Variants in PDGFD observed in about 807,000 individuals in gnomAD.
The protein encoded by PDGFD is platelet-derived growth factor D.
Under a neutral mutation model 44.7 loss-of-function variants are expected in PDGFD, and 30 were observed. The observed-to-expected ratio is 0.67, with a 90% CI of 0.50 to 0.91. The LOEUF is 0.91. PDGFD is among the 40% of genes least tolerant of loss of function. The probability of loss-of-function intolerance (pLI) is 0.00; values close to 1 mark genes in which losing one functional copy is unlikely to be tolerated. For synonymous variants in PDGFD, 173 were observed against 168.4 expected (o/e 1.03, Z -0.21); for missense variants, 445 against 457.8 (o/e 0.97, Z 0.25).
chr11:103,943,234 T>C (rs1388203252), intron 5 of PDGFD, among the ~76,000 whole-genome samples: 1 of 152,122 alleles, frequency 6.6e-6, no homozygotes, highest in African/African-American at 2.4e-5. Flanking sequence ...AGCACCAACA[T>C]GATTCTCAAA....
chr11:104,098,799 C>A (rs1861323413), intron 1 of PDGFD, among the ~76,000 whole-genome samples: 1 of 152,080 alleles, frequency 6.6e-6, no homozygotes, highest in Non-Finnish European at 1.5e-5. Flanking sequence ...CTACATCTAG[C>A]CTCTTCTGTT....
At chr11:104,050,876 A>G (rs137886983) in intron 1 of PDGFD, among the ~76,000 whole-genome samples, 2 of 152,282 alleles carry the variant, frequency 1.3e-5, no homozygotes, top group East Asian at 3.9e-4. Context: ...CATATCATGG[A>G]AGCTAGCTCT....
chr11:103,926,260 T>TA (rs1274553903), intron 6 of PDGFD, among the ~76,000 whole-genome samples: 5 of 152,200 alleles, frequency 3.3e-5, no homozygotes, highest in African/African-American at 1.2e-4. Context: ...AATGATTACT[T>TA]ACAATAGTTT....
At chr11:104,056,989 A>T (rs1288246620) in intron 1 of PDGFD, among the ~76,000 whole-genome samples, 1 of 152,020 alleles carries the variant, frequency 6.6e-6, no homozygotes, top group African/African-American at 2.4e-5. Context: ...TTAGCCAGGC[A>T]TAGTGGTGCA....
intron 3 of PDGFD, among the ~76,000 whole-genome samples, chr11:103,987,959 C>A (rs1344759391): frequency 6.6e-6 from 1 of 152,130 alleles, no homozygotes. Context: ...TAATTGTGTA[C>A]CTTTCTCTCC....
chr11:104,038,097 A>C, intron 1 of PDGFD: 3 of 1,347,922 alleles, frequency 2.2e-6, no homozygotes, highest in South Asian at 3.0e-5. Context: ...CAATGTAATC[A>C]TTAAAAAACA....
intron 3 of PDGFD, among the ~76,000 whole-genome samples, chr11:103,993,902 C>T (rs1215947260): frequency 6.6e-6 from 1 of 151,734 alleles, no homozygotes; most frequent in Admixed American, 6.6e-5. Context: ...GAAAAATACA[C>T]AAGAATGTTG....
At chr11:103,975,735 CATTT>C (rs1444381079) in intron 3 of PDGFD, among the ~76,000 whole-genome samples, 1 of 152,104 alleles carries the variant, frequency 6.6e-6, no homozygotes, top group Non-Finnish European at 1.5e-5. Context: ...TTCCCAGCAC[CATTT>C]ATTAAATAGG....
intron 1 of PDGFD, among the ~76,000 whole-genome samples, chr11:104,111,017 T>C (rs565785465): frequency 2.6e-5 from 4 of 152,234 alleles, no homozygotes; most frequent in African/African-American, 9.6e-5. Context: ...TTGAGTAAAA[T>C]TCTACAGGAA....
rs865888043 is a variant in PDGFD at position 103,956,416 on chromosome 11, A to G, written c.511-8692T>C. Among the ~76,000 whole-genome samples the G allele has an allele frequency of 2.0e-3, 268 of 136,074 alleles. 1 individual carries two copies. The highest frequency in any genetic ancestry group is 7.6e-3 in the African/African-American group (249 of 32,562). 89.3% of individuals were successfully genotyped at this position (136,074 alleles called of 152,430 possible). ...CTCATCATTTTTATGGCTGCATAGT[A>G]TTCCATGGTGTATATGTGCCACATT... On this transcript the variant is annotated intron_variant, in intron 3 of 6. Transcript: ENST00000393158.
chr11:104,007,073 C>A, intron 1 of PDGFD, among the ~76,000 whole-genome samples: 1 of 152,198 alleles, frequency 6.6e-6, no homozygotes, highest in East Asian at 1.9e-4. Context: ...GGGGTCTCAT[C>A]TGCGTGCTCC....
At chr11:104,025,508 G>A (rs1765216886) in intron 1 of PDGFD, among the ~76,000 whole-genome samples, 1 of 152,198 alleles carries the variant, frequency 6.6e-6, no homozygotes, top group Non-Finnish European at 1.5e-5. Context: ...GTGACATTGA[G>A]ACAAGGATGT....
intron 6 of PDGFD, among the ~76,000 whole-genome samples, chr11:103,914,878 C>T (rs1408907792): frequency 6.6e-6 from 1 of 152,138 alleles, no homozygotes; most frequent in Non-Finnish European, 1.5e-5. Flanking sequence ...GCAGAAAAGG[C>T]CTTTGTCAAA....
chr11:104,118,005 T>G (rs761460464), intron 1 of PDGFD, among the ~76,000 whole-genome samples: 1 of 152,002 alleles, frequency 6.6e-6, no homozygotes, highest in Non-Finnish European at 1.5e-5. Context: ...TGACTAAATT[T>G]TGTATATTAA....
At chr11:104,146,618 C>T (rs1327105646) in intron 1 of PDGFD, among the ~76,000 whole-genome samples, 2 of 152,068 alleles carry the variant, frequency 1.3e-5, no homozygotes, top group Non-Finnish European at 2.9e-5. Flanking sequence ...TAAAATTAGG[C>T]AACAGGACCT....
At chr11:104,101,154 G>C (rs990528940) in intron 1 of PDGFD, among the ~76,000 whole-genome samples, 5 of 152,134 alleles carry the variant, frequency 3.3e-5, no homozygotes, top group African/African-American at 1.2e-4. Flanking sequence ...AAAAGAGGAA[G>C]TCAAATTGTC....
rs558257553 is a variant in PDGFD at position 104,025,021 on chromosome 11, T to A, written c.125-24766A>T. ...AGTCAACAGGATACCAACATTGAGA[T>A]CCTTCTCTTAAATGTAAAGAAACTT... On this transcript the variant is annotated intron_variant, in intron 1 of 6. Transcript: ENST00000393158. Among the ~76,000 whole-genome samples, 30 of 152,350 alleles carry A rather than the reference T, an allele frequency of 2.0e-4. No homozygotes were observed. The East Asian group carries it at 5.0e-3, about 25-fold the overall frequency.
In PDGFD at chr11:104,051,421, C is replaced by T. The variant is rs140509740; in HGVS notation, c.125-51166G>A. On this transcript the variant is annotated intron_variant, in intron 1 of 6. Transcript: ENST00000393158. ...TGCTAGTGACCTTTCTAGTTGACAC[C>T]TTCATTAATGATGTGTAAGATGAAG... Among the ~76,000 whole-genome samples the T allele has an allele frequency of 7.0e-3, 1,067 of 152,166 alleles. 6 individuals are homozygous for T. Among genetic ancestry groups the T allele is most frequent in the African/African-American group, 0.023 (953 of 41,508 alleles).
At chr11:104,037,376 A>G (rs140364909) in intron 1 of PDGFD, 146 of 1,614,124 alleles carry the variant, frequency 9.0e-5, no homozygotes, top group Middle Eastern at 8.2e-4. Flanking sequence ...GTGCTGATGG[A>G]GCAGCAAAGG....
Sources: gnomAD v4.1 joint callset for allele counts (sites outside exome capture counted in the v4.1 genomes callset) on GRCh38, gnomAD v4.1.1 for gene constraint, MANE v1.5 for transcripts, NCBI Gene and HGNC (gene_info 2026-07-23, HGNC 2026-07-21) for gene names.